Variants in RGS6 observed in about 807,000 individuals in gnomAD.
RGS6 encodes the protein regulator of G-protein signaling 6.
RGS6 carries 30 observed loss-of-function variants against 78.5 expected under a neutral mutation model. The observed-to-expected ratio is 0.38, with a 90% CI of 0.29 to 0.52. The LOEUF (loss-of-function observed/expected upper bound fraction) is 0.52. RGS6 is among the 20% of genes least tolerant of loss of function. The probability of loss-of-function intolerance (pLI) is 0.85; values close to 1 mark genes in which losing one functional copy is unlikely to be tolerated. For synonymous variants in RGS6, 206 were observed against 206.0 expected, an observed-to-expected ratio of 1.00 and a Z score of 0.00; for missense variants, 495 against 609.7, an observed-to-expected ratio of 0.81 and a Z score of 1.98.
intron 2 of RGS6, among the ~76,000 whole-genome samples, chr14:72,270,932 GC>G (rs1300875831): frequency 6.6e-6 from 1 of 152,190 alleles, no homozygotes; most frequent in Non-Finnish European, 1.5e-5. Context: ...ATGCATTTCA[GC>G]TCCATAAAGA....
At position 72,015,808 on chromosome 14, in the gene RGS6, G is replaced by A. The variant is rs545053337; in HGVS notation, c.84+50933G>A. The stretch of plus-strand genomic sequence containing the variant: ...ATTGTTTTATATTGCATTTCTCTGC[G>A]TTCTAGTGTGATTGAGTGTCTCTTC... On this transcript the variant is annotated intron_variant, in intron 2 of 17. Coordinates refer to ENST00000553525, the MANE Select transcript of RGS6 (RefSeq NM_001204424.2). 3.9e-5 allele frequency among the ~76,000 whole-genome samples: 6 copies of A among 152,240 alleles called. No homozygotes were observed. In the South Asian group the frequency reaches 1.0e-3, roughly 26 times the overall value.
At chr14:72,084,304 T>C (rs1367182529) in intron 2 of RGS6, among the ~76,000 whole-genome samples, 5 of 152,160 alleles carry the variant, frequency 3.3e-5, no homozygotes, top group Non-Finnish European at 7.3e-5. Context: ...GAGGTGAGGC[T>C]CAGGTGGTAA....
At chr14:72,128,324 A>G (rs1048870089) in intron 2 of RGS6, among the ~76,000 whole-genome samples, 2 of 152,244 alleles carry the variant, frequency 1.3e-5, no homozygotes, top group Admixed American at 1.3e-4. Flanking sequence ...TTGATTTCAT[A>G]AATGTATTCT....
At chr14:72,135,740 G>T (rs2096425681) in intron 2 of RGS6, among the ~76,000 whole-genome samples, 1 of 151,990 alleles carries the variant, frequency 6.6e-6, no homozygotes, top group African/African-American at 2.4e-5. Flanking sequence ...ATGCAAAATT[G>T]CAAGGTTAAC....
intron 2 of RGS6, among the ~76,000 whole-genome samples, chr14:72,096,557 T>C (rs2095412364): frequency 6.6e-6 from 1 of 152,212 alleles, no homozygotes; most frequent in Admixed American, 6.5e-5. Flanking sequence ...TGTCTTGCTG[T>C]GTACTCTAGA....
chr14:72,253,503 C>G lies in RGS6; in HGVS notation c.85-98592C>G, dbSNP rs184412734. ...CTGTCATAGCTACTCAATTCTATGG[C>G]AAAAGCAGCTATTGACAATATATAA... On this transcript the variant is annotated intron_variant, in intron 2 of 17. Transcript: ENST00000553525. 3.2e-3 allele frequency among the ~76,000 whole-genome samples: 489 copies of G among 152,298 alleles called. 2 individuals carry two copies. Among genetic ancestry groups the G allele is most frequent in the African/African-American group, 0.011 (473 of 41,544 alleles).
the RGS6 span, among the ~76,000 whole-genome samples, chr14:71,868,760 T>G: frequency 6.6e-6 from 1 of 152,182 alleles, no homozygotes; most frequent in Non-Finnish European, 1.5e-5. Context: ...AAGAGCACAA[T>G]TCCATAACCC....
chr14:72,052,259 C>T (rs1400281564), intron 2 of RGS6, among the ~76,000 whole-genome samples: 1 of 152,202 alleles, frequency 6.6e-6, no homozygotes, highest in Non-Finnish European at 1.5e-5. Flanking sequence ...CAGATATTTT[C>T]AGTTCATTTG....
chr14:72,572,572 T>C, the RGS6 span, among the ~76,000 whole-genome samples: 5 of 152,258 alleles, frequency 3.3e-5, no homozygotes, highest in East Asian at 9.6e-4. Context: ...TATGACTCCA[T>C]TTACAAAGAA....
intron 15 of RGS6, among the ~76,000 whole-genome samples, chr14:72,520,291 T>C (rs1027606847): frequency 6.6e-6 from 1 of 152,252 alleles, no homozygotes; most frequent in African/African-American, 2.4e-5. Flanking sequence ...TCTGGATTTT[T>C]CTGATTGCAG....
At chr14:72,089,893 A>T (rs964882928) in intron 2 of RGS6, among the ~76,000 whole-genome samples, 1 of 152,088 alleles carries the variant, frequency 6.6e-6, no homozygotes, top group Non-Finnish European at 1.5e-5. Flanking sequence ...CCCAATTGCC[A>T]TCCCTACACC....
At chr14:71,879,200 C>T in the RGS6 span, among the ~76,000 whole-genome samples, 1 of 152,092 alleles carries the variant, frequency 6.6e-6, no homozygotes, top group Non-Finnish European at 1.5e-5. Flanking sequence ...TTTTCATTTG[C>T]CCTCTTTGAA....
intron 2 of RGS6, among the ~76,000 whole-genome samples, chr14:72,091,681 A>T (rs1219213452): frequency 1.3e-5 from 2 of 152,288 alleles, no homozygotes; most frequent in East Asian, 3.9e-4. Context: ...AAGTAAGCAG[A>T]ACGGAGAAGC....
chr14:72,240,345 GC>G (rs986773507), intron 2 of RGS6, among the ~76,000 whole-genome samples: 1 of 152,154 alleles, frequency 6.6e-6, no homozygotes, highest in African/African-American at 2.4e-5. Context: ...ATTTTTAAAT[GC>G]AAGTCTGATG....
chr14:72,210,983 A>G (rs1337300067), intron 2 of RGS6, among the ~76,000 whole-genome samples: 2 of 152,220 alleles, frequency 1.3e-5, no homozygotes, highest in Admixed American at 1.3e-4. Context: ...GACATTTTTC[A>G]TCTTGTGTCA....
chr14:72,235,590 A>G (rs1023855992), intron 2 of RGS6, among the ~76,000 whole-genome samples: 2 of 152,202 alleles, frequency 1.3e-5, no homozygotes, highest in Non-Finnish European at 2.9e-5. Flanking sequence ...AGGGAACACC[A>G]TTTACCTGGT....
chr14:72,398,249 G>A (rs1032478232), intron 3 of RGS6, among the ~76,000 whole-genome samples: 3 of 152,188 alleles, frequency 2.0e-5, no homozygotes, highest in African/African-American at 7.2e-5. Flanking sequence ...GGTCTATTCA[G>A]AGATTCAACT....
At chr14:71,906,791 G>GCAAATGCTGAAAAGCATAATACTTTTTA in the RGS6 span, among the ~76,000 whole-genome samples, 1 of 151,868 alleles carries the variant, frequency 6.6e-6, no homozygotes, top group African/African-American at 2.4e-5. Flanking sequence ...GGTCAGATCA[G>GCAAATGCTGAAAAGCATAATACTTTTTA]TTTATGCTGA....
At chr14:71,919,111 C>T in the RGS6 span, among the ~76,000 whole-genome samples, 3 of 152,100 alleles carry the variant, frequency 2.0e-5, no homozygotes, top group African/African-American at 4.8e-5. Context: ...ACAGGGGCTC[C>T]GGAAACTCCA....
Sources: gnomAD v4.1 joint callset for allele counts (sites outside exome capture counted in the v4.1 genomes callset) on GRCh38, gnomAD v4.1.1 for gene constraint, MANE v1.5 for transcripts, NCBI Gene and HGNC (gene_info 2026-07-23, HGNC 2026-07-21) for gene names.